RNF38: variants seen among roughly 807,000 people sequenced by gnomAD.
RNF38 encodes the protein ring finger protein 38, also known as E3 ubiquitin-protein ligase RNF38.
A neutral mutation model predicts 67.2 loss-of-function variants in RNF38; 15 were observed. That is an observed-to-expected ratio of 0.22 (90% confidence interval 0.15 to 0.34). The LOEUF (loss-of-function observed/expected upper bound fraction) is 0.34, where lower values mean the gene tolerates loss of function less well. Among genes scored for constraint, RNF38 ranks in the 10% least tolerant of loss-of-function variants. The pLI is 1.00. For missense variants in RNF38, 524 were observed against 639.9 expected (o/e 0.82, Z 1.95); for synonymous variants, 220 against 218.8 (o/e 1.01, Z -0.05).
At chr9:36,429,571 GAGTTTGAGACCAGCC>G (rs1468647738) in intron 1 of RNF38, among the ~76,000 whole-genome samples, 2 of 152,044 alleles carry the variant, frequency 1.3e-5, no homozygotes, top group East Asian at 1.9e-4. Flanking sequence ...ATGAAGTCAG[GAGTTTGAGACCAGCC>G]AGTTTGAGAC....
intron 1 of RNF38, among the ~76,000 whole-genome samples, chr9:36,477,052 G>A (rs746085833): frequency 2.0e-5 from 3 of 152,088 alleles, no homozygotes; most frequent in Non-Finnish European, 4.4e-5. Flanking sequence ...GGCCAGGCGC[G>A]ATGGATCACG....
intron 4 of RNF38, among the ~76,000 whole-genome samples, chr9:36,366,049 A>G (rs949091342): frequency 1.3e-5 from 2 of 152,090 alleles, no homozygotes; most frequent in East Asian, 1.9e-4. Flanking sequence ...AGAATTTCAA[A>G]TATGTTCAAA....
At chr9:36,340,560 A>G (rs1832762320) in intron 11 of RNF38, among the ~76,000 whole-genome samples, 1 of 151,338 alleles carries the variant, frequency 6.6e-6, no homozygotes, top group Non-Finnish European at 1.5e-5. Flanking sequence ...AATTTAAAAG[A>G]CGGGTTTCAC....
chr9:36,476,169 G>A (rs1393560700), intron 1 of RNF38, among the ~76,000 whole-genome samples: 1 of 152,116 alleles, frequency 6.6e-6, no homozygotes, highest in Admixed American at 6.6e-5. Flanking sequence ...CAGCCACCCA[G>A]GCTAGAGTGC....
chr9:36,403,011 G>A (rs2134171463), upstream of RNF38, among the ~76,000 whole-genome samples: 1 of 152,184 alleles, frequency 6.6e-6, no homozygotes, highest in African/African-American at 2.4e-5. Flanking sequence ...TGTTGCCCAG[G>A]CTGGTCTCTA....
intron 1 of RNF38, among the ~76,000 whole-genome samples, chr9:36,442,966 GTCC>G (rs1839226472): frequency 6.6e-6 from 1 of 152,182 alleles, no homozygotes; most frequent in Non-Finnish European, 1.5e-5. Flanking sequence ...AGATTAGTAA[GTCC>G]TCCTCTGGGC....
chr9:36,443,800 C>T (rs568018692), intron 1 of RNF38, among the ~76,000 whole-genome samples: 1 of 152,044 alleles, frequency 6.6e-6, no homozygotes, highest in Non-Finnish European at 1.5e-5. Flanking sequence ...TCAGGGAGAG[C>T]GAGTGGAGAG....
At chr9:36,380,310 C>T (rs1836117645) in intron 2 of RNF38, among the ~76,000 whole-genome samples, 1 of 151,896 alleles carries the variant, frequency 6.6e-6, no homozygotes, top group African/African-American at 2.4e-5. Flanking sequence ...AGCGATTCTC[C>T]TGCTTCAGCC....
At chr9:36,343,348 T>TC in intron 10 of RNF38, among the ~76,000 whole-genome samples, 1 of 152,186 alleles carries the variant, frequency 6.6e-6, no homozygotes, top group East Asian at 1.9e-4. Flanking sequence ...AGAGAAGACA[T>TC]TTTTGAAGAT....
chr9:36,444,837 C>T (rs964216823), intron 1 of RNF38, among the ~76,000 whole-genome samples: 1 of 151,896 alleles, frequency 6.6e-6, no homozygotes. Flanking sequence ...AATACCACAC[C>T]CCTCAAATAA....
chr9:36,436,414 T>C (rs945170422), intron 1 of RNF38, among the ~76,000 whole-genome samples: 1 of 152,228 alleles, frequency 6.6e-6, no homozygotes, highest in South Asian at 2.1e-4. Context: ...ATTATTAAAA[T>C]AGTAATGACA....
intron 2 of RNF38, among the ~76,000 whole-genome samples, chr9:36,409,168 CAG>C (rs1587628051): frequency 6.9e-6 from 1 of 145,782 alleles, no homozygotes; most frequent in East Asian, 2.0e-4. Context: ...GCCTGGGTGA[CAG>C]AGTGAGACTG....
upstream of RNF38, among the ~76,000 whole-genome samples, chr9:36,402,158 T>A (rs990839972): frequency 1.3e-5 from 2 of 152,088 alleles, no homozygotes; most frequent in Non-Finnish European, 2.9e-5. Context: ...GAATCAAAGT[T>A]CCAGCAATAA....
chr9:36,473,204 T>C (rs1840037950), intron 1 of RNF38, among the ~76,000 whole-genome samples: 1 of 151,406 alleles, frequency 6.6e-6, no homozygotes, highest in Admixed American at 6.6e-5. Context: ...GGGGTGCCTA[T>C]AGTTCCAGCT....
chr9:36,380,555 C>T (rs944634698), intron 2 of RNF38, among the ~76,000 whole-genome samples: 5 of 150,904 alleles, frequency 3.3e-5, no homozygotes, highest in East Asian at 2.0e-4. Flanking sequence ...TGCAGTGGCA[C>T]GATCTCAGCT....
intron 1 of RNF38, among the ~76,000 whole-genome samples, chr9:36,437,518 A>C (rs1232849789): frequency 1.3e-5 from 2 of 152,154 alleles, no homozygotes; most frequent in African/African-American, 4.8e-5. Flanking sequence ...CGAAGAAGAA[A>C]AGTCAGATCA....
At chr9:36,440,030 G>A (rs1352729628) in intron 1 of RNF38, among the ~76,000 whole-genome samples, 1 of 152,094 alleles carries the variant, frequency 6.6e-6, no homozygotes, top group Non-Finnish European at 1.5e-5. Context: ...CAGATCACTT[G>A]AGGTCAGGAG....
At chr9:36,420,689 T>G (rs1227246814) in intron 2 of RNF38, among the ~76,000 whole-genome samples, 1 of 152,174 alleles carries the variant, frequency 6.6e-6, no homozygotes, top group Non-Finnish European at 1.5e-5. Flanking sequence ...CAAAGACTTC[T>G]GTTTTCTTCA....
chr9:36,487,666 G>C (rs1307144173), upstream of RNF38: 2 of 748,626 alleles, frequency 2.7e-6, no homozygotes, highest in Non-Finnish European at 3.2e-6. Flanking sequence ...GGCGGCTCCC[G>C]AAGGGGGAGG....
Sources: gnomAD v4.1 joint callset for allele counts (sites outside exome capture counted in the v4.1 genomes callset) on GRCh38, gnomAD v4.1.1 for gene constraint, MANE v1.5 for transcripts, NCBI Gene and HGNC (gene_info 2026-07-23, HGNC 2026-07-21) for gene names.